The following PACS1 variants were observed in gnomAD, a reference collection of about 807,000 sequenced individuals.
The protein encoded by PACS1 is phosphofurin acidic cluster sorting protein 1, also known as PACS-1.
A neutral mutation model predicts 115.0 loss-of-function variants in PACS1; 24 were observed. The ratio of observed to expected loss-of-function variants is 0.21; its 90% CI spans 0.15 to 0.29. The LOEUF is 0.29. Among genes scored for constraint, PACS1 ranks in the 10% least tolerant of loss-of-function variants. The pLI is 1.00. For missense variants in PACS1, 838 were observed against 1,251.2 expected (o/e 0.67, Z 4.98); for synonymous variants, 453 against 504.5 (o/e 0.90, Z 1.37).
At chr11:66,197,466 C>G (rs536383445) in intron 2 of PACS1, among the ~76,000 whole-genome samples, 3 of 152,124 alleles carry the variant, frequency 2.0e-5, no homozygotes, top group Admixed American at 2.0e-4. Context: ...GAAACTACCA[C>G]TTAGAGAGTT....
chr11:66,090,371 C>T (rs551801649), intron 1 of PACS1, among the ~76,000 whole-genome samples: 10 of 151,342 alleles, frequency 6.6e-5, no homozygotes, highest in African/African-American at 1.9e-4. Context: ...CTCCCAGGCC[C>T]GAGCAATCCT....
intron 11 of PACS1, 100 bp downstream of exon 11, chr11:66,227,684 C>A: frequency 1.4e-6 from 1 of 716,706 alleles, no homozygotes; most frequent in South Asian, 1.9e-5. Context: ...AGAAATTTCA[C>A]CTAAATCTGC....
intron 1 of PACS1, chr11:66,121,078 C>T (rs578101211): frequency 1.3e-5 from 6 of 456,168 alleles, no homozygotes; most frequent in African/African-American, 4.0e-5. Flanking sequence ...GTAAGTCTGT[C>T]GGCACTGTTT....
At chr11:66,110,216 A>C (rs1020322218) in intron 1 of PACS1, among the ~76,000 whole-genome samples, 4 of 152,220 alleles carry the variant, frequency 2.6e-5, no homozygotes, top group African/African-American at 9.6e-5. Context: ...ATAATTAAAA[A>C]GTACTTATTA....
At chr11:66,177,238 C>T (rs564402783) in intron 1 of PACS1, among the ~76,000 whole-genome samples, 11 of 152,152 alleles carry the variant, frequency 7.2e-5, no homozygotes, top group Non-Finnish European at 1.0e-4. Flanking sequence ...TATTACTAAA[C>T]AGCAGCCTCC....
chr11:66,102,513 A>T (rs750750), intron 1 of PACS1, among the ~76,000 whole-genome samples: 1 of 151,674 alleles, frequency 6.6e-6, no homozygotes, highest in Non-Finnish European at 1.5e-5. Context: ...TTAGTACAGA[A>T]GGGGTTTCAC....
chr11:66,172,338 C>T (rs980383942), intron 1 of PACS1, among the ~76,000 whole-genome samples: 1 of 152,156 alleles, frequency 6.6e-6, no homozygotes, highest in Non-Finnish European at 1.5e-5. Context: ...AGCATTGGAA[C>T]GTTGCAGCAG....
chr11:66,211,321 A>G lies in PACS1; in HGVS notation c.660+62A>G, dbSNP rs1014248359. On this transcript the variant is annotated intron_variant, in intron 4 of 23. Coordinates refer to ENST00000320580, the MANE Select transcript of PACS1 (RefSeq NM_018026.4). ...AGTCACAGAGCCCAAGGGACACCCCAGCCCAGCCAGTTGAGCCTTCCAGAT... is the reference window on the plus strand; with the variant it reads ...AGTCACAGAGCCCAAGGGACACCCCGGCCCAGCCAGTTGAGCCTTCCAGAT... The G allele has an allele frequency of 1.4e-5, 22 of 1,564,954 alleles. No homozygotes were observed. In the East Asian group the frequency reaches 4.6e-4, roughly 33 times the overall value.
intron 1 of PACS1, among the ~76,000 whole-genome samples, chr11:66,098,585 A>G (rs1411344809): frequency 2.0e-5 from 3 of 152,218 alleles, no homozygotes; most frequent in Non-Finnish European, 4.4e-5. Flanking sequence ...TTTAAGTCAG[A>G]CAATTTGCAG....
chr11:66,116,659 C>CCT lies in PACS1; in HGVS notation c.356+45817_356+45818insCT, dbSNP rs1858312922. The stretch of plus-strand genomic sequence containing the variant: ...TGTAATCCCAGCACTTTGGCTGAGG[C>CCT]AGGTGGATTACTTGAGCTCAGGAGT... On this transcript the variant is annotated intron_variant, in intron 1 of 23. Transcript: ENST00000320580. Among the ~76,000 whole-genome samples, 19 of 150,730 alleles carry CCT rather than the reference C, an allele frequency of 1.3e-4. 1 individual carries two copies. The highest frequency in any genetic ancestry group is 4.0e-4 in the African/African-American group (16 of 40,266).
At chr11:66,202,385 A>G (rs1854820825) in intron 2 of PACS1, among the ~76,000 whole-genome samples, 1 of 152,128 alleles carries the variant, frequency 6.6e-6, no homozygotes, top group African/African-American at 2.4e-5. Flanking sequence ...ACCAAAACCA[A>G]AGAAAGTGAC....
chr11:66,149,746 G>A (rs1209546618), intron 1 of PACS1, among the ~76,000 whole-genome samples: 1 of 151,684 alleles, frequency 6.6e-6, no homozygotes, highest in Admixed American at 6.6e-5. Flanking sequence ...ATCTTTGGGG[G>A]GCAAAACTGA....
At chr11:66,215,913 AT>A (rs879481356) in intron 4 of PACS1, among the ~76,000 whole-genome samples, 1,678 of 140,116 alleles carry the variant, frequency 0.012, 18 homozygotes, top group South Asian at 0.021. Flanking sequence ...AATAATAATA[AT>A]AATAATAATA....
At chr11:66,115,933 A>AAT (rs2134552618) in intron 1 of PACS1, among the ~76,000 whole-genome samples, 1 of 152,334 alleles carries the variant, frequency 6.6e-6, no homozygotes, top group Admixed American at 6.5e-5. Flanking sequence ...TTAGACAAAT[A>AAT]ATATAGGCAG....
chr11:66,074,622 A>C (rs775240536), intron 1 of PACS1, among the ~76,000 whole-genome samples: 1 of 152,222 alleles, frequency 6.6e-6, no homozygotes, highest in Non-Finnish European at 1.5e-5. Context: ...GCCCATTTGC[A>C]TACCCTTATG....
intron 1 of PACS1, among the ~76,000 whole-genome samples, chr11:66,176,775 T>G (rs968853024): frequency 2.6e-5 from 4 of 152,188 alleles, no homozygotes; most frequent in African/African-American, 9.7e-5. Context: ...TCTGTGGCTT[T>G]GAACATGATG....
chr11:66,125,279 A>G (rs1188276449), intron 1 of PACS1, among the ~76,000 whole-genome samples: 1 of 152,166 alleles, frequency 6.6e-6, no homozygotes, highest in Admixed American at 6.5e-5. Flanking sequence ...CCAAAATCTC[A>G]AAAACCTACG....
chr11:66,237,580 C>A (rs564499932), intron 19 of PACS1, among the ~76,000 whole-genome samples: 1 of 152,308 alleles, frequency 6.6e-6, no homozygotes, highest in Admixed American at 6.5e-5. Flanking sequence ...TCTAGCCAGT[C>A]CCCGGTTAGC....
intron 1 of PACS1, among the ~76,000 whole-genome samples, chr11:66,089,151 C>T (rs1163414120): frequency 1.3e-5 from 2 of 152,076 alleles, no homozygotes; most frequent in African/African-American, 4.8e-5. Flanking sequence ...TTGTGCAGGA[C>T]TCGAAGGTTC....
Sources: gnomAD v4.1 joint callset for allele counts (sites outside exome capture counted in the v4.1 genomes callset) on GRCh38, gnomAD v4.1.1 for gene constraint, MANE v1.5 for transcripts, NCBI Gene and HGNC (gene_info 2026-07-23, HGNC 2026-07-21) for gene names.